The following PCED1B variants were observed in gnomAD, a reference collection of about 807,000 sequenced individuals.
PCED1B encodes PC-esterase domain-containing protein 1B.
For synonymous variants in PCED1B, 251 were observed against 246.1 expected (o/e 1.02, Z -0.19); for missense variants, 573 against 573.9 (o/e 1.00, Z 0.02).
intron 2 of PCED1B, among the ~76,000 whole-genome samples, chr12:47,166,942 G>C (rs1941563662): frequency 6.6e-6 from 1 of 152,168 alleles, no homozygotes; most frequent in African/African-American, 2.4e-5. Context: ...GTTCCTCAAG[G>C]AGGCAGCCAG....
rs144199413 is a variant in PCED1B, at chr12:47,116,155, G to A, written c.-526+11960G>A. 2.0e-4 allele frequency among the ~76,000 whole-genome samples: 31 copies of A among 152,066 alleles called. No individual in the cohort carries two copies. In the East Asian group the frequency reaches 3.1e-3, roughly 15 times the overall value. ...TTTTAAAATGACCTTTACTATCAAC[G>A]TATCTACATGGTGTCAAGTAATTGG... is the stretch of plus-strand genomic sequence containing the variant. On this transcript the variant is annotated intron_variant, in intron 2 of 3. Coordinates refer to ENST00000546455, the MANE Select transcript of PCED1B (RefSeq NM_138371.3).
intron 2 of PCED1B, among the ~76,000 whole-genome samples, chr12:47,213,632 A>T (rs1943161008): frequency 6.6e-6 from 1 of 152,240 alleles, no homozygotes; most frequent in Admixed American, 6.5e-5. Context: ...ACTACTAATG[A>T]GCTGCTAATA....
chr12:47,099,011 G>T (rs184728359), intron 1 of PCED1B, among the ~76,000 whole-genome samples: 2 of 152,230 alleles, frequency 1.3e-5, no homozygotes, highest in East Asian at 3.9e-4. Flanking sequence ...GTTAATTTGA[G>T]TGAGATTCGA....
At chr12:47,133,081 T>C (rs1477636873) in intron 2 of PCED1B, among the ~76,000 whole-genome samples, 2 of 152,234 alleles carry the variant, frequency 1.3e-5, no homozygotes, top group Non-Finnish European at 2.9e-5. Flanking sequence ...GTATTTTCTT[T>C]ACATGTAGTT....
In PCED1B at chr12:47,230,088, T is replaced by TC. The variant is rs1355263109; in HGVS notation, c.-57-4919_-57-4918insC. ...TGCACTCAGCAAGTAATCATTTTCTTTTTTTTTTTTTTTTTGAGACGGAGT... is the reference window on the plus strand; with the variant it reads ...TGCACTCAGCAAGTAATCATTTTCTTCTTTTTTTTTTTTTTTGAGACGGAGT... On this transcript the variant is annotated intron_variant, in intron 3 of 3. Transcript: ENST00000546455. Among the ~76,000 whole-genome samples, 3 of 140,482 alleles carry TC rather than the reference T, an allele frequency of 2.1e-5. No individual in the cohort carries two copies. In the East Asian group the frequency reaches 6.2e-4, roughly 29 times the overall value. 92.2% of individuals were successfully genotyped at this position (140,482 alleles called of 152,430 possible).
intron 2 of PCED1B, among the ~76,000 whole-genome samples, chr12:47,215,263 T>C (rs1226108440): frequency 6.6e-6 from 1 of 151,776 alleles, no homozygotes; most frequent in Non-Finnish European, 1.5e-5. Context: ...ACCCTTTTTT[T>C]TTTTTTAAAG....
At chr12:47,211,676 A>C (rs1472967110) in intron 2 of PCED1B, among the ~76,000 whole-genome samples, 1 of 142,880 alleles carries the variant, frequency 7.0e-6, no homozygotes, top group Non-Finnish European at 1.5e-5. Flanking sequence ...AAAAAAAAAA[A>C]ACTGGGCGCA....
intron 2 of PCED1B, among the ~76,000 whole-genome samples, chr12:47,198,416 G>T (rs1272450537): frequency 6.6e-6 from 1 of 151,950 alleles, no homozygotes; most frequent in Non-Finnish European, 1.5e-5. Context: ...ACTTCATAAA[G>T]GATAACTGCA....
intron 2 of PCED1B, among the ~76,000 whole-genome samples, chr12:47,143,402 T>C (rs536941236): frequency 1.3e-5 from 2 of 152,292 alleles, no homozygotes; most frequent in South Asian, 4.1e-4. Context: ...AAAACTCAGC[T>C]GTGTTACTAT....
chr12:47,165,468 A>G (rs1040150881), intron 2 of PCED1B, among the ~76,000 whole-genome samples: 1 of 152,192 alleles, frequency 6.6e-6, no homozygotes, highest in Non-Finnish European at 1.5e-5. Context: ...CTGAGAGCTA[A>G]TTTGGCACAT....
intron 1 of PCED1B, among the ~76,000 whole-genome samples, chr12:47,091,285 T>C (rs1938254173): frequency 6.6e-6 from 1 of 152,192 alleles, no homozygotes; most frequent in South Asian, 2.1e-4. Context: ...TTATTATGCA[T>C]TTCCCTGAGA....
At chr12:47,173,815 T>G (rs1941830336) in intron 2 of PCED1B, among the ~76,000 whole-genome samples, 1 of 152,204 alleles carries the variant, frequency 6.6e-6, no homozygotes, top group Non-Finnish European at 1.5e-5. Context: ...AAAAAAATGA[T>G]TATACGAGGC....
Position 47,154,224 on chromosome 12 carries a change from G to A in PCED1B, c.-526+50029G>A, listed in dbSNP as rs796104322. 2.0e-5 allele frequency among the ~76,000 whole-genome samples: 3 copies of A among 152,178 alleles called. No individual in the cohort carries two copies. The South Asian group carries it at 6.2e-4, about 31-fold the overall frequency. On this transcript the variant is annotated intron_variant, in intron 2 of 3. Transcript: ENST00000546455. ...CATGGTAGGTCCTTGGCAGTTTCTG[G>A]TAGTCCTTTTAAGTTACCACAAGTA...
intron 2 of PCED1B, among the ~76,000 whole-genome samples, chr12:47,156,802 T>C (rs1317960228): frequency 6.6e-6 from 1 of 152,082 alleles, no homozygotes; most frequent in Non-Finnish European, 1.5e-5. Context: ...GTAAAGAACA[T>C]CTGGAGCTGG....
At chr12:47,127,727 T>A in intron 2 of PCED1B, among the ~76,000 whole-genome samples, 1 of 152,300 alleles carries the variant, frequency 6.6e-6, no homozygotes, top group East Asian at 1.9e-4. Flanking sequence ...AAACTTAAAT[T>A]CTTTAACATT....
At chr12:47,123,237 C>A (rs1369869178) in intron 2 of PCED1B, among the ~76,000 whole-genome samples, 1 of 152,142 alleles carries the variant, frequency 6.6e-6, no homozygotes, top group Non-Finnish European at 1.5e-5. Flanking sequence ...TTCTTAACAA[C>A]TTTTGTTAGG....
intron 2 of PCED1B, among the ~76,000 whole-genome samples, chr12:47,193,686 A>G (rs1245024154): frequency 6.6e-6 from 1 of 152,146 alleles, no homozygotes; most frequent in East Asian, 1.9e-4. Flanking sequence ...TTAGAATTAT[A>G]TTTTCTCCCC....
At position 47,162,122 on chromosome 12, in the gene PCED1B, G is replaced by A. The variant is rs554040705; in HGVS notation, c.-525-54100G>A. Among the ~76,000 whole-genome samples, 16 of 146,070 alleles carry A rather than the reference G, an allele frequency of 1.1e-4. No homozygotes were observed. In the Middle Eastern group the frequency reaches 0.01, roughly 94 times the overall value. ...ACACTGGGGCCTGTTGTGGGGTGGT[G>A]GGGGGGGGAAGGATAGCATTAGGAG... is the stretch of plus-strand genomic sequence containing the variant. On this transcript the variant is annotated intron_variant, in intron 2 of 3. Transcript: ENST00000546455.
At chr12:47,132,724 C>T (rs1284941032) in intron 2 of PCED1B, among the ~76,000 whole-genome samples, 1 of 152,126 alleles carries the variant, frequency 6.6e-6, no homozygotes, top group Non-Finnish European at 1.5e-5. Flanking sequence ...TGACTCAGCC[C>T]AAGTGCAGCA....
Sources: gnomAD v4.1 joint callset for allele counts (sites outside exome capture counted in the v4.1 genomes callset) on GRCh38, gnomAD v4.1.1 for gene constraint, MANE v1.5 for transcripts, NCBI Gene and HGNC (gene_info 2026-07-23, HGNC 2026-07-21) for gene names.